The following CR1 variants were observed in gnomAD, a reference collection of about 807,000 sequenced individuals.
CR1 encodes complement C3b/C4b receptor 1 (Knops blood group).
A neutral mutation model predicts 187.3 loss-of-function variants in CR1; 116 were observed. That is an observed-to-expected ratio of 0.62 (90% confidence interval 0.53 to 0.72). The LOEUF (loss-of-function observed/expected upper bound fraction) is 0.72, where lower values mean the gene tolerates loss of function less well. Among genes scored for constraint, CR1 ranks in the 30% least tolerant of loss-of-function variants. The pLI, the probability that CR1 is intolerant of heterozygous loss-of-function variation, is 0.00. For synonymous variants in CR1, 576 were observed against 747.1 expected, an observed-to-expected ratio of 0.77 and a Z score of 3.73; for missense variants, 1,731 against 2,110.7, an observed-to-expected ratio of 0.82 and a Z score of 3.52.
intron 43 of CR1, among the ~76,000 whole-genome samples, chr1:207,620,354 T>C (rs1662278470): frequency 1.3e-5 from 2 of 152,134 alleles, no homozygotes; most frequent in Non-Finnish European, 2.9e-5. Flanking sequence ...ACAAGAAATG[T>C]TTTCAGCATG....
At chr1:207,513,634 C>T (rs1227969646) in intron 4 of CR1, among the ~76,000 whole-genome samples, 3 of 152,278 alleles carry the variant, frequency 2.0e-5, no homozygotes, top group Middle Eastern at 3.4e-3. Context: ...AACTTAATTC[C>T]AAATTGGCCT....
Position 207,567,075 on chromosome 1 carries a change from A to G in CR1, c.3953-749A>G, listed in dbSNP as rs990566635. On this transcript the variant is annotated intron_variant, in intron 24 of 46. Transcript: ENST00000367049. Reference sequence around the variant, plus strand: ...TTTTTCATAACTCTTGCTAGTTAAAATAGTTTCTTCCAAATGCCAGTTCTA... The same window carrying G: ...TTTTTCATAACTCTTGCTAGTTAAAGTAGTTTCTTCCAAATGCCAGTTCTA... 1.1e-4 allele frequency among the ~76,000 whole-genome samples: 17 copies of G among 150,330 alleles called. 4 individuals are homozygous for G. Among genetic ancestry groups the G allele is most frequent in the African/African-American group, 4.0e-4 (16 of 39,710 alleles).
chr1:207,579,622 G>A (rs921958794), intron 29 of CR1, among the ~76,000 whole-genome samples: 5 of 152,086 alleles, frequency 3.3e-5, no homozygotes, highest in African/African-American at 4.8e-5. Flanking sequence ...TAAATAACTC[G>A]CCCCTCAATC....
intron 35 of CR1, chr1:207,600,985 T>C (rs1661587799): frequency 1.3e-5 from 2 of 152,202 alleles, no homozygotes; most frequent in Non-Finnish European, 1.5e-5. Flanking sequence ...TTTTTGTTAC[T>C]TGACAGGAAA....
At position 207,639,548 on chromosome 1, in the gene CR1, A is replaced by G; in HGVS notation, c.*139A>G. The G allele has an allele frequency of 2.6e-6, 2 of 761,522 alleles. No homozygotes were observed. Among genetic ancestry groups the G allele is most frequent in the South Asian group, 3.6e-5 (2 of 56,276 alleles). The allele number at this position is 761,522 out of a possible 1,614,324, so 47.2% of individuals were successfully genotyped here. A position where few individuals can be genotyped will look rare whatever the true frequency, so the allele number is the denominator to read the frequency against. Reference sequence around the variant, plus strand: ...GAGACGCAGACATGTGCACTTGAAGATGCTGCCCCTTCCCTGGTACCTAGC... The same window carrying G: ...GAGACGCAGACATGTGCACTTGAAGGTGCTGCCCCTTCCCTGGTACCTAGC... On this transcript the variant is annotated 3_prime_UTR_variant, in exon 47 of 47. Transcript: ENST00000367049.
chr1:207,594,837 G>A (rs966110248), intron 35 of CR1, among the ~76,000 whole-genome samples: 7 of 152,032 alleles, frequency 4.6e-5, no homozygotes, highest in Admixed American at 4.6e-4. Context: ...AATGAACATA[G>A]ATTTCCCTAT....
At chr1:207,613,106 G>T (rs1457183884) in intron 39 of CR1, among the ~76,000 whole-genome samples, 1 of 152,146 alleles carries the variant, frequency 6.6e-6, no homozygotes, top group Non-Finnish European at 1.5e-5. Context: ...GCGTTTGGTG[G>T]GTCCTGAGTT....
chr1:207,589,742 A>G (rs1571566474), intron 35 of CR1, among the ~76,000 whole-genome samples: 1 of 152,226 alleles, frequency 6.6e-6, no homozygotes, highest in East Asian at 1.9e-4. Flanking sequence ...GGAATTACTA[A>G]CTAGAATAAC....
At chr1:207,587,060 A>T (rs183114690) in intron 33 of CR1, among the ~76,000 whole-genome samples, 1 of 152,342 alleles carries the variant, frequency 6.6e-6, no homozygotes. Context: ...GCACAAACAC[A>T]TGAAGATTTG....
rs1222668453 is a variant in CR1 at position 207,525,922 on chromosome 1, G to A, written c.887-831G>A. 3.3e-5 allele frequency among the ~76,000 whole-genome samples: 5 copies of A among 152,020 alleles called. 1 individual carries two copies. The highest frequency in any genetic ancestry group is 1.2e-4 in the African/African-American group (5 of 41,292). ...TGATGCTTGAGAAAGCTGAAGTCCAGAAAAGGGAACTGATCTGCTCAAAGA... is the reference window on the plus strand; with the variant it reads ...TGATGCTTGAGAAAGCTGAAGTCCAAAAAAGGGAACTGATCTGCTCAAAGA... On this transcript the variant is annotated intron_variant, in intron 5 of 46. Coordinates refer to ENST00000367049, the MANE Select transcript of CR1 (RefSeq NM_000651.6).
rs114792804 is a variant in CR1, at chr1:207,612,098, G to A, written c.6575+57G>A. 1,499 of 1,546,072 alleles carry A rather than the reference G, an allele frequency of 9.7e-4. 11 individuals carry two copies. The African/African-American group carries it at 0.017, about 18-fold the overall frequency. ...TCAGTGTGGAGAATCACTCTCTTGA[G>A]ATCAGGGGTTAATCCAATTAAGGAG... is the stretch of plus-strand genomic sequence containing the variant. On this transcript the variant is annotated intron_variant, in intron 39 of 46. Coordinates refer to ENST00000367049, the MANE Select transcript of CR1 (RefSeq NM_000651.6).
chr1:207,613,729 C>T lies in CR1; in HGVS notation c.6576-675C>T, dbSNP rs539559865. Among the ~76,000 whole-genome samples, 20 of 152,136 alleles carry T rather than the reference C, an allele frequency of 1.3e-4. 1 individual carries two copies. The highest frequency in any genetic ancestry group is 4.2e-4 in the South Asian group (2 of 4,806). ...TTTTTAATGATTTCCAAAGAATCTT[C>T]GGCATTTACAAAGTCCACCACCTAA... On this transcript the variant is annotated intron_variant, in intron 39 of 46. Transcript: ENST00000367049.
intron 1 of CR1, among the ~76,000 whole-genome samples, chr1:207,497,560 A>C (rs1008037797): frequency 6.6e-6 from 1 of 152,226 alleles, no homozygotes; most frequent in Non-Finnish European, 1.5e-5. Context: ...AGTTGTTATT[A>C]ATATTTGATC....
At chr1:207,634,524 A>G (rs56081959) in intron 46 of CR1, among the ~76,000 whole-genome samples, 3,055 of 151,942 alleles carry the variant, frequency 0.02, 83 homozygotes, top group African/African-American at 0.061. Flanking sequence ...ACATGAGAGT[A>G]TTTGGAGGAA....
rs1261623331 is a variant in CR1 at position 207,611,719 on chromosome 1, T to C, written c.6338T>C (p.Leu2113Pro). ...GAAATCCTGCATGGTGAGCATACCC[T>C]AAGCCATCAGGACAACTTTTCACCT... ...PPEILHGEHT[L>P]SHQDNFSPGQ... is the part of the protein sequence containing the mutation. Residue 2113 changes from leucine (L) to proline (P), a missense_variant, in exon 38 of 47, where the codon CTA becomes CCA. By Grantham distance (98) the Leu-to-Pro change is moderately conservative. Coordinates refer to ENST00000367049, the MANE Select transcript of CR1 (RefSeq NM_000651.6). 1 of 1,613,970 alleles carries C rather than the reference T, an allele frequency of 6.2e-7. No individual in the cohort carries two copies. Among genetic ancestry groups the C allele is most frequent in the East Asian group, 2.2e-5 (1 of 44,870 alleles).
chr1:207,496,316 C>T lies in CR1; in HGVS notation c.49C>T (p.Pro17Ser), dbSNP rs772948093. Residue 17 changes from proline to serine, a missense_variant, in exon 1 of 47, where the codon CCC (proline) becomes TCC (serine). Physicochemically the swap from Pro to Ser is moderately conservative, Grantham distance 74. Coordinates refer to ENST00000367049, the MANE Select transcript of CR1 (RefSeq NM_000651.6). ...CCCGGAGCCTGTCGGGCCGCCGGCG[C>T]CCGGTCTCCCCTTCTGCTGCGGAGG... ...RSPEPVGPPA[P>S]GLPFCCGGSL... 1.9e-6 allele frequency: 3 copies of T among 1,613,654 alleles called. No homozygotes were observed. Among genetic ancestry groups the T allele is most frequent in the Non-Finnish European group, 2.5e-6 (3 of 1,179,844 alleles).
At position 207,607,355 on chromosome 1, in the gene CR1, CT is replaced by C; in HGVS notation, c.5896+20del. The C allele has an allele frequency of 6.4e-7, 1 of 1,574,346 alleles. No individual in the cohort carries two copies. Among genetic ancestry groups the C allele is most frequent in the Non-Finnish European group, 8.7e-7 (1 of 1,144,046 alleles). ...TGTGAGAGTAAGTTGAAATACTTTTCTCCACAAATTCCTCTGTGTGATCCTG... is the reference window on the plus strand; with the variant it reads ...TGTGAGAGTAAGTTGAAATACTTTTCCCACAAATTCCTCTGTGTGATCCTG... On this transcript the variant is annotated intron_variant, in intron 36 of 46. Coordinates refer to ENST00000367049, the MANE Select transcript of CR1 (RefSeq NM_000651.6).
chr1:207,611,833 C>CT lies in CR1; in HGVS notation c.6453dup (p.Glu2152Ter), dbSNP rs755392088. The CT allele has an allele frequency of 6.2e-7, 1 of 1,614,012 alleles. No individual in the cohort carries two copies. Among genetic ancestry groups the CT allele is most frequent in the South Asian group, 1.1e-5 (1 of 91,090 alleles). On this transcript the variant is annotated frameshift_variant, in exon 38 of 47. Coordinates refer to ENST00000367049, the MANE Select transcript of CR1 (RefSeq NM_000651.6). LOFTEE classifies it high-confidence loss of function. ...TGCACGCCCCAGGGAGACTGGAGCCCTGAAGCCCCTAGATGTACAGGTGCC... is the reference window on the plus strand; with the variant it reads ...TGCACGCCCCAGGGAGACTGGAGCCCTTGAAGCCCCTAGATGTACAGGTGCC...
At chr1:207,502,912 T>C (rs1659315732) in intron 1 of CR1, among the ~76,000 whole-genome samples, 2 of 152,284 alleles carry the variant, frequency 1.3e-5, no homozygotes, top group East Asian at 1.9e-4. Flanking sequence ...CCGGGGCACA[T>C]TCACTCAGGA....
Sources: allele counts gnomAD v4.1 joint callset (sites outside exome capture counted in the v4.1 genomes callset), GRCh38; gene constraint gnomAD v4.1.1; transcripts MANE v1.5; gene names NCBI Gene and HGNC (gene_info 2026-07-23, HGNC 2026-07-21).